The following PEX7 variants were observed in gnomAD, a reference collection of about 807,000 sequenced individuals.
The protein encoded by PEX7 is PTS2 receptor.
PEX7 carries 34 observed loss-of-function variants against 47.5 expected under a neutral mutation model. The ratio of observed to expected loss-of-function variants is 0.72; its 90% CI spans 0.54 to 0.95. The LOEUF is 0.95. Among genes scored for constraint, PEX7 ranks in the 40% least tolerant of loss-of-function variants. The pLI is 0.00. For synonymous variants in PEX7, 141 were observed against 148.8 expected, an observed-to-expected ratio of 0.95 and a Z score of 0.38; for missense variants, 394 against 400.3, an observed-to-expected ratio of 0.98 and a Z score of 0.13.
intron 3 of PEX7, among the ~76,000 whole-genome samples, chr6:136,838,732 C>T (rs1412716788): frequency 6.6e-6 from 1 of 152,122 alleles, no homozygotes; most frequent in Non-Finnish European, 1.5e-5. Context: ...AATACTCCAG[C>T]AGTCAGTCAT....
chr6:136,830,053 T>C, intron 3 of PEX7: 2 of 716,120 alleles, frequency 2.8e-6, no homozygotes, highest in East Asian at 5.4e-5. Context: ...AACTAATGGG[T>C]CATTTTCTTC....
intron 9 of PEX7, among the ~76,000 whole-genome samples, chr6:136,898,737 C>A (rs1775696775): frequency 6.6e-6 from 1 of 152,174 alleles, no homozygotes; most frequent in East Asian, 1.9e-4. Flanking sequence ...AGTTAATAAA[C>A]AATATATGTC....
intron 9 of PEX7, 52 bp from the exon 10 acceptor site, chr6:136,913,406 G>A: frequency 7.6e-7 from 1 of 1,315,394 alleles, no homozygotes; most frequent in Admixed American, 1.7e-5. Flanking sequence ...TGTCAATTTT[G>A]AATTTTTGTA....
At chr6:136,901,973 TG>T (rs1365537113) in intron 9 of PEX7, among the ~76,000 whole-genome samples, 1 of 152,026 alleles carries the variant, frequency 6.6e-6, no homozygotes, top group African/African-American at 2.4e-5. Flanking sequence ...TTAGTAGAGA[TG>T]GGGTTTCTCT....
At chr6:136,871,390 G>A (rs147033911) in intron 7 of PEX7, among the ~76,000 whole-genome samples, 1 of 152,072 alleles carries the variant, frequency 6.6e-6, no homozygotes, top group East Asian at 1.9e-4. Flanking sequence ...TACAAATAAC[G>A]TAAAAATAAC....
At chr6:136,884,582 A>G (rs933159885) in intron 8 of PEX7, among the ~76,000 whole-genome samples, 2 of 151,720 alleles carry the variant, frequency 1.3e-5, no homozygotes, top group African/African-American at 2.4e-5. Flanking sequence ...ATCAAAACTG[A>G]TGATATGGTG....
chr6:136,872,746 A>G (rs1775204736), intron 8 of PEX7, among the ~76,000 whole-genome samples: 1 of 151,976 alleles, frequency 6.6e-6, no homozygotes, highest in African/African-American at 2.4e-5. Flanking sequence ...GTGGGTCTCT[A>G]TTTATACTTC....
intron 8 of PEX7, among the ~76,000 whole-genome samples, chr6:136,893,688 A>G (rs17065704): frequency 0.062 from 9,430 of 152,290 alleles, 674 homozygotes; most frequent in African/African-American, 0.17. Flanking sequence ...TCTAAAGACT[A>G]CTGTGCCCAA....
At chr6:136,910,505 G>T (rs1031248809) in intron 9 of PEX7, among the ~76,000 whole-genome samples, 2 of 152,186 alleles carry the variant, frequency 1.3e-5, no homozygotes, top group Admixed American at 1.3e-4. Flanking sequence ...TGGATTTGAG[G>T]TGTGAGCCCG....
In PEX7 at chr6:136,838,466, C is replaced by G. The variant is rs529369754; in HGVS notation, c.340-7149C>G. 9.0e-4 allele frequency among the ~76,000 whole-genome samples: 137 copies of G among 152,254 alleles called. 2 individuals carry two copies. Among genetic ancestry groups the G allele is most frequent in the African/African-American group, 3.0e-3 (123 of 41,526 alleles). On this transcript the variant is annotated intron_variant, in intron 3 of 9. Coordinates refer to ENST00000318471, the MANE Select transcript of PEX7 (RefSeq NM_000288.4). ...GCAAGGTGTCAGGAGGAGGACTGTC[C>G]TAGCTTAGAGGATACTTAAGAGACA...
intron 8 of PEX7, among the ~76,000 whole-genome samples, chr6:136,873,557 T>C (rs1410076349): frequency 6.6e-6 from 1 of 152,208 alleles, no homozygotes; most frequent in Admixed American, 6.5e-5. Flanking sequence ...TCCAGATGTA[T>C]GATCTTATCA....
chr6:136,867,869 T>C (rs1775102513), intron 6 of PEX7, among the ~76,000 whole-genome samples: 1 of 152,210 alleles, frequency 6.6e-6, no homozygotes, highest in African/African-American at 2.4e-5. Context: ...AATTTATTAT[T>C]GAAGAAAGGA....
Position 136,848,391 on chromosome 6 carries a change from T to C in PEX7, c.526+2210T>C, listed in dbSNP as rs1344021571. ...CTTCCAACACTATGTTGAATAGGAG[T>C]GGTGAGAGAGGGCATCCCTATCTTG... On this transcript the variant is annotated intron_variant, in intron 5 of 9. Transcript: ENST00000318471. 2.0e-5 allele frequency among the ~76,000 whole-genome samples: 3 copies of C among 151,932 alleles called. No homozygotes were observed. In the South Asian group the frequency reaches 6.2e-4, roughly 32 times the overall value.
rs573000586 is a variant in PEX7 at position 136,832,133 on chromosome 6, C to T, written c.339+5664C>T. On this transcript the variant is annotated intron_variant, in intron 3 of 9. Coordinates refer to ENST00000318471, the MANE Select transcript of PEX7 (RefSeq NM_000288.4). The stretch of plus-strand genomic sequence containing the variant: ...TGGACATTCAGGTGTTTCCATACAT[C>T]CTCTGAAATTTAGGTGGAGGTTAAA... Among the ~76,000 whole-genome samples the T allele has an allele frequency of 3.3e-5, 5 of 152,368 alleles. No homozygotes were observed. The East Asian group carries it at 9.6e-4, about 29-fold the overall frequency.
At chr6:136,859,457 T>A (rs972097186) in intron 5 of PEX7, among the ~76,000 whole-genome samples, 1 of 152,056 alleles carries the variant, frequency 6.6e-6, no homozygotes, top group African/African-American at 2.4e-5. Context: ...TCTAGTTGCG[T>A]AAGTCATAAC....
chr6:136,827,363 A>C (rs187309858), intron 3 of PEX7, among the ~76,000 whole-genome samples: 1 of 152,290 alleles, frequency 6.6e-6, no homozygotes, highest in East Asian at 1.9e-4. Flanking sequence ...TGTAGTTGTA[A>C]ATTACTATGT....
At chr6:136,912,305 C>T (rs1775945877) in intron 9 of PEX7, among the ~76,000 whole-genome samples, 2 of 150,054 alleles carry the variant, frequency 1.3e-5, no homozygotes, top group Non-Finnish European at 3.0e-5. Context: ...TTACTTACCT[C>T]TGTATTGAGA....
At chr6:136,834,629 T>C (rs1383813895) in intron 3 of PEX7, among the ~76,000 whole-genome samples, 1 of 152,160 alleles carries the variant, frequency 6.6e-6, no homozygotes, top group Admixed American at 6.5e-5. Flanking sequence ...ATAGAGTGTG[T>C]GTACTAGGAG....
chr6:136,861,996 A>G (rs1308380180), intron 5 of PEX7, among the ~76,000 whole-genome samples: 1 of 141,732 alleles, frequency 7.1e-6, no homozygotes, highest in Non-Finnish European at 1.6e-5. Flanking sequence ...CATCAAAGCT[A>G]TATATATATA....
Sources: allele counts gnomAD v4.1 joint callset (sites outside exome capture counted in the v4.1 genomes callset), GRCh38; gene constraint gnomAD v4.1.1; transcripts MANE v1.5; gene names NCBI Gene and HGNC (gene_info 2026-07-23, HGNC 2026-07-21).